Variants in CTNNA2 observed in about 807,000 individuals in gnomAD.
CTNNA2 encodes the protein catenin alpha-2.
Under a neutral mutation model 101.0 loss-of-function variants are expected in CTNNA2, and 42 were observed. That is an observed-to-expected ratio of 0.42 (90% CI 0.32 to 0.54). The LOEUF is 0.54. CTNNA2 is among the 20% of genes least tolerant of loss of function. The pLI, the probability that CTNNA2 is intolerant of heterozygous loss-of-function variation, is 0.14. For synonymous variants in CTNNA2, 450 were observed against 456.4 expected (o/e 0.99, Z 0.18); for missense variants, 871 against 1,223.1 (o/e 0.71, Z 4.29).
intron 9 of CTNNA2, among the ~76,000 whole-genome samples, chr2:80,479,624 A>T (rs1298027321): frequency 1.3e-5 from 2 of 152,144 alleles, no homozygotes; most frequent in Non-Finnish European, 2.9e-5. Flanking sequence ...ACAGGTGGAA[A>T]CTATAAATAG....
chr2:80,290,115 G>A (rs562441812), intron 7 of CTNNA2, among the ~76,000 whole-genome samples: 6 of 152,282 alleles, frequency 3.9e-5, no homozygotes, highest in African/African-American at 1.2e-4. Flanking sequence ...GAAGCAGGCT[G>A]AGCAAGGATT....
At chr2:79,755,152 C>T (rs1322505710) in intron 3 of CTNNA2, among the ~76,000 whole-genome samples, 1 of 151,978 alleles carries the variant, frequency 6.6e-6, no homozygotes, top group Non-Finnish European at 1.5e-5. Context: ...TAGCAAGACC[C>T]CCATCTCTAC....
chr2:80,283,697 A>G (rs763266262), intron 7 of CTNNA2, among the ~76,000 whole-genome samples: 2 of 152,162 alleles, frequency 1.3e-5, no homozygotes, highest in Non-Finnish European at 2.9e-5. Flanking sequence ...ACCCTAATGC[A>G]GCTGAGAGAA....
intron 9 of CTNNA2, among the ~76,000 whole-genome samples, chr2:80,423,495 A>T (rs999260848): frequency 1.3e-5 from 2 of 152,154 alleles, no homozygotes; most frequent in East Asian, 3.9e-4. Flanking sequence ...AAAATTTATT[A>T]TCAGGTCATC....
At chr2:80,304,907 CAAAAA>C (rs56174873) in intron 7 of CTNNA2, among the ~76,000 whole-genome samples, 6 of 73,820 alleles carry the variant, frequency 8.1e-5, no homozygotes, top group Non-Finnish European at 1.1e-4. Flanking sequence ...GTCCATATTT[CAAAAA>C]AAAAAAAAAA....
intron 4 of CTNNA2, among the ~76,000 whole-genome samples, chr2:79,427,458 A>G (rs536992693): frequency 6.6e-6 from 1 of 152,086 alleles, no homozygotes; most frequent in South Asian, 2.1e-4. Context: ...AATAAGCTTT[A>G]TTAACTTCTG....
chr2:79,349,894 T>C (rs1677346085), intron 3 of CTNNA2, among the ~76,000 whole-genome samples: 1 of 151,818 alleles, frequency 6.6e-6, no homozygotes, highest in Non-Finnish European at 1.5e-5. Flanking sequence ...CAAGTTACGG[T>C]GAAACCCTGT....
intron 2 of CTNNA2, among the ~76,000 whole-genome samples, chr2:79,277,335 C>A (rs1245345462): frequency 1.3e-5 from 2 of 152,034 alleles, no homozygotes; most frequent in Non-Finnish European, 2.9e-5. Flanking sequence ...CACGGCTGAT[C>A]GAATCTCTGC....
intron 6 of CTNNA2, among the ~76,000 whole-genome samples, chr2:79,904,321 G>T (rs941501696): frequency 2.0e-5 from 3 of 152,070 alleles, no homozygotes; most frequent in Non-Finnish European, 4.4e-5. Context: ...GACTCCTACA[G>T]TAACTGGCAC....
chr2:79,627,772 G>A (rs1413440905), intron 1 of CTNNA2, among the ~76,000 whole-genome samples: 10 of 152,102 alleles, frequency 6.6e-5, no homozygotes, highest in Admixed American at 5.2e-4. Flanking sequence ...TATTCTTGGA[G>A]CCTATTTTTA....
intron 2 of CTNNA2, among the ~76,000 whole-genome samples, chr2:79,719,657 A>C (rs184781158): frequency 1.6e-4 from 25 of 152,270 alleles, no homozygotes; most frequent in Admixed American, 3.3e-4. Context: ...AATGATGATG[A>C]CAATTTTTTA....
At chr2:79,579,904 G>A (rs774682498) in intron 1 of CTNNA2, among the ~76,000 whole-genome samples, 2 of 152,114 alleles carry the variant, frequency 1.3e-5, no homozygotes, top group Non-Finnish European at 1.5e-5. Context: ...GTGAGCCACC[G>A]CACCTGGCCT....
At chr2:79,465,778 CTGTT>C (rs376365745) in intron 4 of CTNNA2, among the ~76,000 whole-genome samples, 27,675 of 120,468 alleles carry the variant, frequency 0.23, 2,606 homozygotes, top group Middle Eastern at 0.36. Context: ...ATTTGGCTCT[CTGTT>C]TGTTTGTTAT....
At chr2:79,949,300 T>C (rs529994880) in intron 7 of CTNNA2, among the ~76,000 whole-genome samples, 1 of 152,296 alleles carries the variant, frequency 6.6e-6, no homozygotes, top group African/African-American at 2.4e-5. Flanking sequence ...GCCTCTGTAA[T>C]TGTGTAAATG....
chr2:79,538,819 T>C (rs1673230518), intron 1 of CTNNA2, among the ~76,000 whole-genome samples: 2 of 152,178 alleles, frequency 1.3e-5, no homozygotes, highest in African/African-American at 2.4e-5. Context: ...GTCTAATTAG[T>C]GTGCTCTAAT....
Position 79,744,542 on chromosome 2 carries a change from A to G in CTNNA2, c.258A>G (p.Lys86=), listed in dbSNP as rs1033170641. 15 of 1,614,008 alleles carry G rather than the reference A, an allele frequency of 9.3e-6. No individual in the cohort carries two copies. Among genetic ancestry groups the G allele is most frequent in the Non-Finnish European group, 1.1e-5 (13 of 1,179,898 alleles). ...EQIAKESQDL[K]EELVAAVEDV... is the part of the protein sequence containing the mutation. ...TCGCTAAGGAGAGTCAAGATCTCAA[A>G]GAAGAGTTGGTGGCTGCTGTAGAGG... is the stretch of plus-strand genomic sequence containing the variant. The change falls in exon 3 of 19, where the codon AAA becomes AAG. Residue 86 remains lysine, a synonymous_variant. Coordinates refer to ENST00000402739, the MANE Select transcript of CTNNA2 (RefSeq NM_001282597.3).
chr2:80,010,234 C>T (rs1223739013), intron 7 of CTNNA2, among the ~76,000 whole-genome samples: 5 of 152,152 alleles, frequency 3.3e-5, no homozygotes, highest in Non-Finnish European at 7.4e-5. Flanking sequence ...CCTCCCAGGA[C>T]ACAGGTTAGA....
Position 79,753,470 on chromosome 2 carries a change from AC to A in CTNNA2, c.298+8892del, listed in dbSNP as rs1194394371. Among the ~76,000 whole-genome samples, 10 of 152,056 alleles carry A rather than the reference AC, an allele frequency of 6.6e-5. 1 individual carries two copies. The highest frequency in any genetic ancestry group is 4.4e-5 in the Non-Finnish European group (3 of 68,006). ...GAATCCTTAAAACACCTCCTCTGTC[AC>A]CCCGTTATTATATCTCCACATTCTC... is the stretch of plus-strand genomic sequence containing the variant. On this transcript the variant is annotated intron_variant, in intron 3 of 18. Transcript: ENST00000402739.
intron 7 of CTNNA2, among the ~76,000 whole-genome samples, chr2:80,151,939 C>T (rs184661665): frequency 3.2e-4 from 48 of 152,346 alleles, no homozygotes; most frequent in Admixed American, 2.2e-3. Context: ...GCTTTGCTTC[C>T]CCCCTGCTGT....
Sources: gnomAD v4.1 joint callset for allele counts (sites outside exome capture counted in the v4.1 genomes callset) on GRCh38, gnomAD v4.1.1 for gene constraint, MANE v1.5 for transcripts, NCBI Gene and HGNC (gene_info 2026-07-23, HGNC 2026-07-21) for gene names.